The following SBF2 variants were observed in gnomAD, a reference collection of about 807,000 sequenced individuals.
SBF2 encodes the protein SET binding factor 2, also known as myotubularin-related protein 13.
SBF2 carries 112 observed loss-of-function variants against 225.2 expected under a neutral mutation model. That is an observed-to-expected ratio of 0.50 (90% CI 0.43 to 0.58). SBF2 has a LOEUF of 0.58. SBF2 is among the 20% of genes least tolerant of loss of function. The probability of loss-of-function intolerance (pLI) is 0.00; values close to 1 mark genes in which losing one functional copy is unlikely to be tolerated. For synonymous variants in SBF2, 763 were observed against 773.3 expected (o/e 0.99, Z 0.22); for missense variants, 1,996 against 2,206.2 (o/e 0.90, Z 1.91).
chr11:10,265,780 G>A (rs1456311595), intron 1 of SBF2, among the ~76,000 whole-genome samples: 1 of 152,090 alleles, frequency 6.6e-6, no homozygotes, highest in Non-Finnish European at 1.5e-5. Context: ...CAACCTCCCA[G>A]GCTCAAGCAC....
intron 1 of SBF2, among the ~76,000 whole-genome samples, chr11:10,212,319 G>C: frequency 6.6e-6 from 1 of 152,160 alleles, no homozygotes; most frequent in East Asian, 1.9e-4. Flanking sequence ...GAACACAACG[G>C]TGTCCTGAGT....
At chr11:10,214,533 T>G (rs755205142) in intron 1 of SBF2, among the ~76,000 whole-genome samples, 5 of 151,928 alleles carry the variant, frequency 3.3e-5, no homozygotes, top group Non-Finnish European at 7.4e-5. Context: ...TAAGGCAGGA[T>G]AATCGCTTGA....
chr11:10,207,296 C>T (rs1867136), intron 1 of SBF2, among the ~76,000 whole-genome samples: 30,683 of 151,640 alleles, frequency 0.2, 3,368 homozygotes, highest in East Asian at 0.29. Flanking sequence ...CCAAAAAAAA[C>T]AAAGCAAAAA....
chr11:9,898,080 G>A (rs1458480812), intron 16 of SBF2, among the ~76,000 whole-genome samples: 3 of 152,148 alleles, frequency 2.0e-5, no homozygotes, highest in Admixed American at 1.3e-4. Flanking sequence ...AGTCAGAAGG[G>A]AAAGTCAGAA....
At position 10,033,700 on chromosome 11, in the gene SBF2, C is replaced by T. The variant is rs532967823; in HGVS notation, c.280-2530G>A. Among the ~76,000 whole-genome samples the T allele has an allele frequency of 2.5e-4, 37 of 146,200 alleles. No homozygotes were observed. The South Asian group carries it at 7.1e-3, about 28-fold the overall frequency. ...CACACACACACACACAACAAATAAACCCCAAATTTATTAGGTAAAATAAAG... is the reference window on the plus strand; with the variant it reads ...CACACACACACACACAACAAATAAATCCCAAATTTATTAGGTAAAATAAAG... On this transcript the variant is annotated intron_variant, in intron 3 of 39. Transcript: ENST00000256190.
chr11:9,809,058 C>CA, intron 30 of SBF2, 56 bp from the exon 31 acceptor site: 1 of 1,326,940 alleles, frequency 7.5e-7, no homozygotes, highest in Non-Finnish European at 1.1e-6. Flanking sequence ...GTGCAGAAGT[C>CA]AGAGAGAGTT....
At chr11:9,928,140 T>C (rs1244815359) in intron 16 of SBF2, among the ~76,000 whole-genome samples, 1 of 152,118 alleles carries the variant, frequency 6.6e-6, no homozygotes, top group Non-Finnish European at 1.5e-5. Flanking sequence ...AAGCTTCTGA[T>C]CTTTAAAAGA....
rs1428957767 is a variant in SBF2, at chr11:9,785,206, G to A, written c.5150C>T (p.Ser1717Phe). Reference protein sequence around the residue: ...PDSSMGEEQNSSISPSNGVER... With the variant: ...PDSSMGEEQNFSISPSNGVER... ...CACTCCATTGGATGGGGAGATGCTG[G>A]AATTCTGTTCCTCCCCCATGCTGCT... Residue 1717 changes from serine (S) to phenylalanine (F), a missense_variant, in exon 37 of 40, where the codon TCC becomes TTC. Coordinates refer to ENST00000256190, the MANE Select transcript of SBF2 (RefSeq NM_030962.4). 2.6e-5 allele frequency: 42 copies of A among 1,614,038 alleles called. No homozygotes were observed. The highest frequency in any genetic ancestry group is 3.6e-5 in the Non-Finnish European group (42 of 1,180,030).
chr11:9,852,755 A>G lies in SBF2; in HGVS notation c.2537-6T>C, dbSNP rs1435307037. 2 of 1,602,010 alleles carry G rather than the reference A, an allele frequency of 1.2e-6. No homozygotes were observed. The highest frequency in any genetic ancestry group is 3.3e-5 in the Admixed American group (2 of 60,010). Reference sequence around the variant, plus strand: ...AATGTGCATAGCTACAATTCCTAGGATGAGTCAGAGTATTCAAAATGAAAG... The same window carrying G: ...AATGTGCATAGCTACAATTCCTAGGGTGAGTCAGAGTATTCAAAATGAAAG... On this transcript the variant is annotated splice_region_variant and splice_polypyrimidine_tract_variant and intron_variant, in intron 20 of 39. Transcript: ENST00000256190.
chr11:9,827,127 C>T (rs1855116898), intron 28 of SBF2, among the ~76,000 whole-genome samples: 2 of 152,148 alleles, frequency 1.3e-5, no homozygotes, highest in African/African-American at 4.8e-5. Context: ...CGTGAGCCAC[C>T]GTGCCCGGCC....
rs575673612 is a variant in SBF2, at chr11:10,201,914, C to T, written c.56-7927G>A. On this transcript the variant is annotated intron_variant, in intron 1 of 39. Transcript: ENST00000256190. ...TTTTTAAGTTGAAGAGAATACATAA[C>T]GAACAAGGTATGTCATTAAAAATAA... Among the ~76,000 whole-genome samples, 97 of 152,244 alleles carry T rather than the reference C, an allele frequency of 6.4e-4. 1 individual carries two copies. The highest frequency in any genetic ancestry group is 6.0e-3 in the Admixed American group (91 of 15,292).
At chr11:9,896,408 A>C (rs1049536737) in intron 16 of SBF2, among the ~76,000 whole-genome samples, 2 of 152,014 alleles carry the variant, frequency 1.3e-5, no homozygotes, top group African/African-American at 4.8e-5. Context: ...TCTAAGATAC[A>C]TTTTTTTGCA....
intron 3 of SBF2, among the ~76,000 whole-genome samples, chr11:10,039,720 C>G (rs1486122078): frequency 1.3e-5 from 2 of 151,714 alleles, no homozygotes; most frequent in Non-Finnish European, 3.0e-5. Context: ...AGTCAGACTC[C>G]TTGAAGAAAT....
intron 1 of SBF2, among the ~76,000 whole-genome samples, chr11:10,232,017 C>T (rs994064009): frequency 6.6e-6 from 1 of 152,240 alleles, no homozygotes; most frequent in Non-Finnish European, 1.5e-5. Context: ...GCGGACGCCC[C>T]TCCCCCAGCC....
At chr11:10,007,579 T>C (rs1484627782) in intron 6 of SBF2, among the ~76,000 whole-genome samples, 2 of 152,170 alleles carry the variant, frequency 1.3e-5, no homozygotes, top group Non-Finnish European at 2.9e-5. Context: ...TTTGTTGGGC[T>C]TGTAAAATGG....
chr11:9,799,960 G>T lies in SBF2; in HGVS notation c.4444-4003C>A, dbSNP rs566304842. Among the ~76,000 whole-genome samples, 255 of 152,300 alleles carry T rather than the reference G, an allele frequency of 1.7e-3. 1 individual carries two copies. The highest frequency in any genetic ancestry group is 3.1e-3 in the Non-Finnish European group (214 of 68,030). ...CCATTTCAAAAATAAGCTGTTGGCC[G>T]GGCATAGTGGCTCATGCCTATAATT... On this transcript the variant is annotated intron_variant, in intron 32 of 39. Coordinates refer to ENST00000256190, the MANE Select transcript of SBF2 (RefSeq NM_030962.4).
intron 1 of SBF2, among the ~76,000 whole-genome samples, chr11:10,196,866 A>ATATATATATATTTTTTT: frequency 3.0e-5 from 3 of 99,314 alleles, no homozygotes; most frequent in African/African-American, 4.0e-5. Context: ...ATATATATAT[A>ATATATATATATTTTTTT]TTTTTTTTTT....
At chr11:9,850,687 A>C (rs1011353699) in intron 21 of SBF2, among the ~76,000 whole-genome samples, 11 of 152,266 alleles carry the variant, frequency 7.2e-5, no homozygotes, top group Non-Finnish European at 1.6e-4. Context: ...AAGAGGCAGA[A>C]ATGAAGTTTA....
intron 28 of SBF2, among the ~76,000 whole-genome samples, chr11:9,820,010 A>G (rs1292708504): frequency 6.6e-6 from 1 of 152,228 alleles, no homozygotes; most frequent in African/African-American, 2.4e-5. Context: ...ACTTGCACCA[A>G]AATGACAGGC....
Sources: allele counts gnomAD v4.1 joint callset (sites outside exome capture counted in the v4.1 genomes callset), GRCh38; gene constraint gnomAD v4.1.1; transcripts MANE v1.5; gene names NCBI Gene and HGNC (gene_info 2026-07-23, HGNC 2026-07-21).